Variants in FBXL13 observed in about 807,000 individuals in gnomAD.
FBXL13 encodes the protein F-box and leucine-rich repeat protein 13.
A neutral mutation model predicts 83.6 loss-of-function variants in FBXL13; 67 were observed. The ratio of observed to expected loss-of-function variants is 0.80; its 90% CI spans 0.66 to 0.98. The LOEUF (loss-of-function observed/expected upper bound fraction) is 0.98, where lower values mean the gene tolerates loss of function less well. Ranked by LOEUF, FBXL13 falls within the 50% of genes least tolerant of loss-of-function variation. FBXL13 has a pLI of 0.00. For missense variants in FBXL13, 822 were observed against 866.5 expected, an observed-to-expected ratio of 0.95 and a Z score of 0.64; for synonymous variants, 272 against 299.5, an observed-to-expected ratio of 0.91 and a Z score of 0.95.
chr7:102,813,027 A>G (rs141209534), downstream of FBXL13, among the ~76,000 whole-genome samples: 1,894 of 151,700 alleles, frequency 0.012, 47 homozygotes, highest in African/African-American at 0.044. Context: ...ATTTTTAGTA[A>G]AGATGGGGTT....
At chr7:102,844,165 A>G (rs113391910) in intron 17 of FBXL13, among the ~76,000 whole-genome samples, 1 of 152,334 alleles carries the variant, frequency 6.6e-6, no homozygotes, top group Non-Finnish European at 1.5e-5. Flanking sequence ...TAAAAAGCAG[A>G]TGAACTGTCT....
At position 102,833,109 on chromosome 7, in the gene FBXL13, T is replaced by G. The variant is rs530573798; in HGVS notation, c.1720-135A>C. 8.9e-6 allele frequency: 8 copies of G among 897,070 alleles called. No homozygotes were observed. The South Asian group carries it at 1.5e-4, about 16-fold the overall frequency. The allele number at this position is 897,070 out of a possible 1,614,324, so 55.6% of individuals were successfully genotyped here. A position where few individuals can be genotyped will look rare whatever the true frequency, so the allele number is the denominator to read the frequency against. On this transcript the variant is annotated intron_variant, in intron 17 of 19. Coordinates refer to ENST00000313221, the Ensembl canonical transcript of FBXL13. Reference sequence around the variant, plus strand: ...GATCTTGATGCCCCCAAAAAATAATTTAAAAAACCCATGTTACATCCAACA... The same window carrying G: ...GATCTTGATGCCCCCAAAAAATAATGTAAAAAACCCATGTTACATCCAACA...
At chr7:102,933,871 T>C in intron 8 of FBXL13, 3 of 1,521,210 alleles carry the variant, frequency 2.0e-6, no homozygotes, top group South Asian at 2.6e-5. Flanking sequence ...CTTTCATTGT[T>C]CCGTCTGTAA....
chr7:102,991,437 G>C (rs1369254683), intron 6 of FBXL13, among the ~76,000 whole-genome samples: 1 of 152,216 alleles, frequency 6.6e-6, no homozygotes. Flanking sequence ...GTGGGAGGTA[G>C]TGTCAAGAAG....
intron 6 of FBXL13, among the ~76,000 whole-genome samples, chr7:103,010,219 C>A (rs931150321): frequency 6.6e-6 from 1 of 151,570 alleles, no homozygotes; most frequent in Non-Finnish European, 1.5e-5. Context: ...GGTAAACAGG[C>A]AGACAATGCC....
At chr7:103,026,348 G>T (rs1793917279) in intron 5 of FBXL13, among the ~76,000 whole-genome samples, 1 of 151,818 alleles carries the variant, frequency 6.6e-6, no homozygotes, top group African/African-American at 2.4e-5. Flanking sequence ...GTGTATAAGG[G>T]GGGACTGGTC....
chr7:103,048,578 TAATC>T (rs1195801600), intron 2 of FBXL13, among the ~76,000 whole-genome samples: 1 of 152,206 alleles, frequency 6.6e-6, no homozygotes. Context: ...TATCTAATCT[TAATC>T]AGTTTGACCA....
chr7:103,002,355 A>G (rs543863805), intron 6 of FBXL13, among the ~76,000 whole-genome samples: 3 of 152,248 alleles, frequency 2.0e-5, no homozygotes, highest in African/African-American at 7.2e-5. Context: ...ACATAATTTT[A>G]TATTGTCTAT....
At chr7:102,903,180 G>A (rs1365518041) in intron 11 of FBXL13, among the ~76,000 whole-genome samples, 3 of 151,880 alleles carry the variant, frequency 2.0e-5, no homozygotes, top group Non-Finnish European at 2.9e-5. Flanking sequence ...ATGTATGGTT[G>A]TTGTAAGTGG....
chr7:102,893,639 G>A (rs1811815552), intron 11 of FBXL13, among the ~76,000 whole-genome samples: 2 of 151,884 alleles, frequency 1.3e-5, no homozygotes, highest in African/African-American at 4.8e-5. Flanking sequence ...GTGGTGGCGG[G>A]GACCTGTAGT....
chr7:102,931,755 A>G, intron 9 of FBXL13, 126 bp downstream of exon 10: 1 of 781,320 alleles, frequency 1.3e-6, no homozygotes, highest in Non-Finnish European at 2.1e-6. Context: ...GTCAATGTTT[A>G]ACATAGTTTG....
At chr7:102,871,185 C>A (rs1301240990) in intron 16 of FBXL13, among the ~76,000 whole-genome samples, 1 of 152,116 alleles carries the variant, frequency 6.6e-6, no homozygotes, top group African/African-American at 2.4e-5. Context: ...CACATTCACA[C>A]CTCCATGAGA....
At chr7:102,960,165 A>C (rs1824949763) in intron 8 of FBXL13, among the ~76,000 whole-genome samples, 1 of 152,092 alleles carries the variant, frequency 6.6e-6, no homozygotes, top group South Asian at 2.1e-4. Flanking sequence ...AGAAATACAA[A>C]TACTAGACCC....
intron 2 of FBXL13, among the ~76,000 whole-genome samples, chr7:103,045,296 C>T (rs1796159972): frequency 6.6e-6 from 1 of 152,186 alleles, no homozygotes; most frequent in Non-Finnish European, 1.5e-5. Flanking sequence ...GTTAGGTTTT[C>T]AATCTTGTCT....
intron 19 of FBXL13, among the ~76,000 whole-genome samples, chr7:102,815,544 A>G (rs1189291816): frequency 6.6e-6 from 1 of 152,162 alleles, no homozygotes; most frequent in Admixed American, 6.5e-5. Context: ...AGTTCTGGAC[A>G]CACACTGCAG....
intron 1 of FBXL13, among the ~76,000 whole-genome samples, chr7:103,063,937 C>T (rs1010086897): frequency 2.0e-5 from 3 of 152,156 alleles, no homozygotes; most frequent in African/African-American, 4.8e-5. Flanking sequence ...CAACTTAATA[C>T]GTACTCTATT....
At chr7:102,973,514 T>G (rs375364291) in intron 6 of FBXL13, 1 of 763,836 alleles carries the variant, frequency 1.3e-6, no homozygotes, top group Admixed American at 1.7e-5. Context: ...GGCCTTAGCC[T>G]GCCTGCACCC....
rs1402866886 is a variant in FBXL13 at position 103,055,628 on chromosome 7, T to C, written c.-1+16A>G. ...AAATAAAATATTTCCCTATCAAAAA[T>C]CAAAACAATACTTACCAAAGAAGAT... On this transcript the variant is annotated intron_variant, in intron 2 of 19. Coordinates refer to ENST00000313221, the Ensembl canonical transcript of FBXL13. 1.7e-6 allele frequency: 2 copies of C among 1,144,830 alleles called. No homozygotes were observed. Among genetic ancestry groups the C allele is most frequent in the East Asian group, 1.2e-4 (2 of 16,916 alleles). 70.9% of individuals were successfully genotyped at this position (1,144,830 alleles called of 1,614,324 possible). A position where few individuals can be genotyped will look rare whatever the true frequency, so the allele number is the denominator to read the frequency against.
intron 17 of FBXL13, among the ~76,000 whole-genome samples, chr7:102,851,771 A>G (rs1039003709): frequency 1.3e-5 from 2 of 152,034 alleles, no homozygotes; most frequent in African/African-American, 4.8e-5. Flanking sequence ...CAGCATATTG[A>G]TATGCTTGAA....
Sources: gnomAD v4.1 joint callset for allele counts (sites outside exome capture counted in the v4.1 genomes callset) on GRCh38, gnomAD v4.1.1 for gene constraint, MANE v1.5 for transcripts, NCBI Gene and HGNC (gene_info 2026-07-23, HGNC 2026-07-21) for gene names.